SH3RF1: variants seen among roughly 807,000 people sequenced by gnomAD.
SH3RF1 encodes SH3 domain containing ring finger 1.
Under a neutral mutation model 74.0 loss-of-function variants are expected in SH3RF1, and 32 were observed. The ratio of observed to expected loss-of-function variants is 0.43; its 90% CI spans 0.33 to 0.58. SH3RF1 has a LOEUF of 0.58. SH3RF1 is among the 20% of genes least tolerant of loss of function. The pLI is 0.05. For synonymous variants in SH3RF1, 396 were observed against 439.6 expected (o/e 0.90, Z 1.24); for missense variants, 954 against 1,130.9 (o/e 0.84, Z 2.24).
At chr4:169,172,593 T>C (rs1404616392) in intron 2 of SH3RF1, among the ~76,000 whole-genome samples, 2 of 152,180 alleles carry the variant, frequency 1.3e-5, no homozygotes, top group African/African-American at 4.8e-5. Flanking sequence ...TTTAAGGAGA[T>C]GTGTATGGGG....
At chr4:169,256,278 GAAGGGAGGAAGA>G (rs1731192911) in intron 2 of SH3RF1, among the ~76,000 whole-genome samples, 1 of 151,566 alleles carries the variant, frequency 6.6e-6, no homozygotes, top group African/African-American at 2.4e-5. Context: ...GAGAAAGGGA[GAAGGGAGGAAGA>G]AAGGGAGGAA....
At chr4:169,099,925 G>A (rs1732990673) in intron 11 of SH3RF1, among the ~76,000 whole-genome samples, 1 of 152,114 alleles carries the variant, frequency 6.6e-6, no homozygotes, top group African/African-American at 2.4e-5. Context: ...ACCAGGTGCA[G>A]GAGTAATAGA....
intron 5 of SH3RF1, among the ~76,000 whole-genome samples, chr4:169,135,160 C>T (rs916238612): frequency 2.1e-5 from 3 of 145,898 alleles, no homozygotes; most frequent in Admixed American, 1.4e-4. Flanking sequence ...CAAGGTGAGA[C>T]CCCATCTCTA....
chr4:169,233,939 A>T (rs187333470), intron 2 of SH3RF1, among the ~76,000 whole-genome samples: 40 of 152,208 alleles, frequency 2.6e-4, no homozygotes, highest in Middle Eastern at 3.4e-3. Flanking sequence ...GTTAGTTACC[A>T]TCTGCTTCCC....
chr4:169,096,294 G>T lies in SH3RF1; in HGVS notation c.*225C>A. On this transcript the variant is annotated 3_prime_UTR_variant, in exon 12 of 12. Coordinates refer to ENST00000284637, the MANE Select transcript of SH3RF1 (RefSeq NM_020870.4). ...GTTTCTCTGTGTAGTAAATCAGACA[G>T]TACAAGGCACACCTTATACATCCGA... The T allele has an allele frequency of 2.0e-6, 1 of 512,608 alleles. No homozygotes were observed. The highest frequency in any genetic ancestry group is 3.4e-6 in the Non-Finnish European group (1 of 293,602). The allele number at this position is 512,608 out of a possible 1,614,324, so 31.8% of individuals were successfully genotyped here.
At chr4:169,123,673 C>T (rs955813558) in intron 6 of SH3RF1, among the ~76,000 whole-genome samples, 2 of 152,114 alleles carry the variant, frequency 1.3e-5, no homozygotes, top group South Asian at 2.1e-4. Flanking sequence ...GGGCGGATCA[C>T]GAGGTCAGGA....
intron 11 of SH3RF1, among the ~76,000 whole-genome samples, chr4:169,101,783 A>G (rs1426321744): frequency 1.3e-5 from 2 of 151,582 alleles, no homozygotes; most frequent in Non-Finnish European, 2.9e-5. Context: ...TTATGGGGTG[A>G]CCAGAGTGGC....
At chr4:169,218,939 A>T (rs1313539302) in intron 2 of SH3RF1, among the ~76,000 whole-genome samples, 1 of 152,238 alleles carries the variant, frequency 6.6e-6, no homozygotes, top group Non-Finnish European at 1.5e-5. Context: ...AATAATTTAC[A>T]GTATTTAGCA....
intron 6 of SH3RF1, 30 bp from the exon 7 acceptor site, chr4:169,122,296 G>T: frequency 6.5e-7 from 1 of 1,530,698 alleles, no homozygotes; most frequent in East Asian, 2.4e-5. Flanking sequence ...AAGAGAAAGG[G>T]AAAAAAGGGA....
At chr4:169,102,449 T>C (rs1733055848) in intron 11 of SH3RF1, among the ~76,000 whole-genome samples, 1 of 152,082 alleles carries the variant, frequency 6.6e-6, no homozygotes, top group African/African-American at 2.4e-5. Flanking sequence ...TGGTTCTCAG[T>C]TTAATTCCTA....
chr4:169,213,577 A>G (rs1312968852), intron 2 of SH3RF1, among the ~76,000 whole-genome samples: 2 of 152,204 alleles, frequency 1.3e-5, no homozygotes, highest in Non-Finnish European at 2.9e-5. Context: ...TGCCTTTAGA[A>G]TGCATCTAAA....
intron 6 of SH3RF1, among the ~76,000 whole-genome samples, chr4:169,126,456 C>T (rs1733526823): frequency 6.6e-6 from 1 of 152,204 alleles, no homozygotes. Context: ...ACTTCCAATT[C>T]CCTGAACCCA....
chr4:169,152,535 CG>C (rs1240926978), intron 4 of SH3RF1, among the ~76,000 whole-genome samples: 2 of 151,994 alleles, frequency 1.3e-5, no homozygotes, highest in Non-Finnish European at 2.9e-5. Flanking sequence ...GTCAGGAGTT[CG>C]AGACCAGCCT....
intron 2 of SH3RF1, among the ~76,000 whole-genome samples, chr4:169,197,811 C>T (rs73863680): frequency 0.042 from 6,354 of 151,922 alleles, 441 homozygotes; most frequent in African/African-American, 0.14. Context: ...ATTTCTTCAG[C>T]GCTTTTTGGT....
chr4:169,122,094 A>G lies in SH3RF1; in HGVS notation c.1346+6T>C. On this transcript the variant is annotated splice_donor_region_variant and intron_variant, in intron 7 of 11. Transcript: ENST00000284637. ...ATAAGCAGTAACAGACGACACGCTC[A>G]CTTACACACTGGGGCGAGTCTGCGG... The G allele has an allele frequency of 1.2e-6, 2 of 1,612,022 alleles. No individual in the cohort carries two copies. The highest frequency in any genetic ancestry group is 1.7e-6 in the Non-Finnish European group (2 of 1,179,684).
chr4:169,143,671 G>A (rs921972822), intron 4 of SH3RF1, among the ~76,000 whole-genome samples: 1 of 152,200 alleles, frequency 6.6e-6, no homozygotes, highest in Non-Finnish European at 1.5e-5. Flanking sequence ...CAGTAGGACA[G>A]GGAGGAACAC....
In SH3RF1 at chr4:169,122,215, C is replaced by A; in HGVS notation, c.1231G>T (p.Ala411Ser). ...GCGGTGGCGCCTGGTGGTGTGGAGGCAAGGACAGTGGCAGCCAGGAGAGGG... is the reference window on the plus strand; with the variant it reads ...GCGGTGGCGCCTGGTGGTGTGGAGGAAAGGACAGTGGCAGCCAGGAGAGGG... ...PPPLLAATVL[A>S]STPPGATAAA... The change falls in exon 7 of 12, where the codon GCC becomes TCC. Residue 411 changes from alanine to serine, a missense_variant. Coordinates refer to ENST00000284637, the MANE Select transcript of SH3RF1 (RefSeq NM_020870.4). 6.2e-7 allele frequency: 1 copy of A among 1,612,584 alleles called. No individual in the cohort carries two copies. Among genetic ancestry groups the A allele is most frequent in the Non-Finnish European group, 8.5e-7 (1 of 1,179,484 alleles).
intron 2 of SH3RF1, among the ~76,000 whole-genome samples, chr4:169,157,658 G>C (rs1369464649): frequency 1.3e-5 from 2 of 152,100 alleles, no homozygotes; most frequent in East Asian, 1.9e-4. Context: ...ATAATTCCCT[G>C]AACAAGATTA....
chr4:169,185,659 CAGCCACA>C (rs1388177251), intron 2 of SH3RF1, among the ~76,000 whole-genome samples: 1 of 152,090 alleles, frequency 6.6e-6, no homozygotes, highest in Non-Finnish European at 1.5e-5. Flanking sequence ...ACTACAGTCA[CAGCCACA>C]AGCCTGAGGA....
Sources: allele counts gnomAD v4.1 joint callset (sites outside exome capture counted in the v4.1 genomes callset), GRCh38; gene constraint gnomAD v4.1.1; transcripts MANE v1.5; gene names NCBI Gene and HGNC (gene_info 2026-07-23, HGNC 2026-07-21).